Variants in CCDC141 observed in about 807,000 individuals in gnomAD.
CCDC141 encodes the protein coiled-coil domain containing 141.
CCDC141 carries 168 observed loss-of-function variants against 181.0 expected under a neutral mutation model. The observed-to-expected ratio is 0.93, with a 90% confidence interval of 0.82 to 1.05. The LOEUF (loss-of-function observed/expected upper bound fraction) is 1.05, where lower values mean the gene tolerates loss of function less well. Ranked by LOEUF, CCDC141 falls within the 50% of genes least tolerant of loss-of-function variation. CCDC141 has a pLI of 0.00. For synonymous variants in CCDC141, 666 were observed against 642.3 expected (o/e 1.04, Z -0.56); for missense variants, 1,902 against 1,788.5 (o/e 1.06, Z -1.14).
chr2:179,029,468 C>G (rs1026761041), intron 2 of CCDC141, among the ~76,000 whole-genome samples: 2 of 152,080 alleles, frequency 1.3e-5, no homozygotes, highest in Non-Finnish European at 2.9e-5. Flanking sequence ...CAATGACTGG[C>G]ATATAGTAGA....
At chr2:178,843,293 C>G (rs1684804741) in intron 22 of CCDC141, among the ~76,000 whole-genome samples, 1 of 152,164 alleles carries the variant, frequency 6.6e-6, no homozygotes, top group Non-Finnish European at 1.5e-5. Context: ...CCCTTTTGGC[C>G]TCAGTTTCCT....
intron 17 of CCDC141, among the ~76,000 whole-genome samples, chr2:178,860,033 T>C (rs1685534999): frequency 6.6e-6 from 1 of 152,218 alleles, no homozygotes; most frequent in South Asian, 2.1e-4. Flanking sequence ...AAGAAAGCCT[T>C]TCCTTAGAAC....
chr2:179,033,356 G>A (rs879670666), intron 2 of CCDC141, among the ~76,000 whole-genome samples: 2 of 152,022 alleles, frequency 1.3e-5, no homozygotes, highest in Non-Finnish European at 2.9e-5. Context: ...AGGGGGATGT[G>A]CATAGCTTAT....
chr2:179,023,892 T>C (rs1282584520), intron 2 of CCDC141, among the ~76,000 whole-genome samples: 1 of 152,138 alleles, frequency 6.6e-6, no homozygotes, highest in African/African-American at 2.4e-5. Flanking sequence ...TGAATGTAAA[T>C]ACTTCATAAA....
chr2:178,976,605 C>G (rs1236485910), intron 3 of CCDC141, among the ~76,000 whole-genome samples: 1 of 152,112 alleles, frequency 6.6e-6, no homozygotes, highest in African/African-American at 2.4e-5. Context: ...TGAGAATAAC[C>G]CAACTGACAG....
rs762178070 is a variant in CCDC141, at chr2:178,834,344, T to C, written c.4422A>G (p.Ala1474=). 20 of 1,536,128 alleles carry C rather than the reference T, an allele frequency of 1.3e-5. No individual in the cohort carries two copies. The highest frequency in any genetic ancestry group is 2.0e-5 in the Admixed American group (1 of 50,972). Reference sequence around the variant, plus strand: ...CCCGAGCCACATAGAGGCCTGCGTCTGCCTTGCATACCTTTGGAATGAACA... The same window carrying C: ...CCCGAGCCACATAGAGGCCTGCGTCCGCCTTGCATACCTTTGGAATGAACA... ...HSVFIPKVCK[A]DAGLYVARAQ... Residue 1474 remains alanine (A), a synonymous_variant, in exon 24 of 24, where the codon GCA becomes GCG. Coordinates refer to ENST00000443758, the MANE Select transcript of CCDC141 (RefSeq NM_173648.4).
chr2:178,832,637 T>A lies in CCDC141; in HGVS notation c.*1536A>T, dbSNP rs1171486956. ...GCCCAAGAAAGTATACGCCAACTTT[T>A]TACTTGACTACACATTTCACATCTT... On this transcript the variant is annotated 3_prime_UTR_variant, in exon 24 of 24. Transcript: ENST00000443758. The A allele has an allele frequency of 6.6e-6, 1 of 152,134 alleles. No individual in the cohort carries two copies. Among genetic ancestry groups the A allele is most frequent in the African/African-American group, 2.4e-5 (1 of 41,444 alleles). 9.4% of individuals were successfully genotyped at this position (152,134 alleles called of 1,614,324 possible).
intron 2 of CCDC141, among the ~76,000 whole-genome samples, chr2:179,021,450 A>G (rs1244782812): frequency 6.6e-6 from 1 of 152,204 alleles, no homozygotes; most frequent in Non-Finnish European, 1.5e-5. Context: ...GCTGCAGCTA[A>G]TGAGCTGCTG....
intron 20 of CCDC141, 77 bp from the exon 21 acceptor site, chr2:178,850,238 T>C: frequency 1.3e-6 from 1 of 740,882 alleles, no homozygotes; most frequent in Non-Finnish European, 2.4e-6. Context: ...TAAATTCATC[T>C]CCCTGTCCAG....
At chr2:179,026,827 G>A (rs531315604) in intron 2 of CCDC141, among the ~76,000 whole-genome samples, 1 of 152,370 alleles carries the variant, frequency 6.6e-6, no homozygotes, top group Non-Finnish European at 1.5e-5. Context: ...AGCATGACCT[G>A]GAGGTGAGAC....
At chr2:178,865,114 AG>A (rs1395826379) in intron 17 of CCDC141, among the ~76,000 whole-genome samples, 3 of 152,154 alleles carry the variant, frequency 2.0e-5, no homozygotes, top group Non-Finnish European at 4.4e-5. Flanking sequence ...GTTACAGTTG[AG>A]GGGGAGGAGA....
At position 178,976,872 on chromosome 2, in the gene CCDC141, T is replaced by C. The variant is rs562024349; in HGVS notation, c.417+1612A>G. Among the ~76,000 whole-genome samples, 6 of 152,330 alleles carry C rather than the reference T, an allele frequency of 3.9e-5. No individual in the cohort carries two copies. In the East Asian group the frequency reaches 1.2e-3, roughly 29 times the overall value. ...ACATTAGAAAAAGTTCCAGGGTCACTGTTTAACTTATATTTATATTTCAGC... is the reference window on the plus strand; with the variant it reads ...ACATTAGAAAAAGTTCCAGGGTCACCGTTTAACTTATATTTATATTTCAGC... On this transcript the variant is annotated intron_variant, in intron 3 of 23. Transcript: ENST00000443758.
At chr2:178,835,901 G>A (rs953167189) in intron 23 of CCDC141, 1 of 152,568 alleles carries the variant, frequency 6.6e-6, no homozygotes, top group South Asian at 2.1e-4. Flanking sequence ...TAGCACAAGT[G>A]CAGTTTTTTA....
At position 178,978,854 on chromosome 2, in the gene CCDC141, G is replaced by T. The variant is rs202012085; in HGVS notation, c.226-179C>A. 4.6e-5 allele frequency among the ~76,000 whole-genome samples: 7 copies of T among 152,298 alleles called. No individual in the cohort carries two copies. In the East Asian group the frequency reaches 1.2e-3, roughly 25 times the overall value. On this transcript the variant is annotated intron_variant, in intron 2 of 23. Transcript: ENST00000443758. ...GAAGGAAGGAGCGATCAGGATTGAGGTGAGCCAGGAAGCATGGCCAGGCTA... is the reference window on the plus strand; with the variant it reads ...GAAGGAAGGAGCGATCAGGATTGAGTTGAGCCAGGAAGCATGGCCAGGCTA...
Position 178,954,606 on chromosome 2 carries a change from C to A in CCDC141, c.780+6624G>T, listed in dbSNP as rs545214618. On this transcript the variant is annotated intron_variant, in intron 5 of 23. Transcript: ENST00000443758. ...GCCACAGCACTTAGAAACAGAGAAG[C>A]ACTAAATGTATCTTTTAAATGGCCC... Among the ~76,000 whole-genome samples the A allele has an allele frequency of 2.0e-5, 3 of 152,282 alleles. No individual in the cohort carries two copies. The East Asian group carries it at 5.8e-4, about 29-fold the overall frequency.
intron 2 of CCDC141, among the ~76,000 whole-genome samples, chr2:179,042,702 G>A (rs914504533): frequency 6.6e-6 from 1 of 152,114 alleles, no homozygotes; most frequent in African/African-American, 2.4e-5. Context: ...GGAATCTCTG[G>A]GATGCAGCTA....
chr2:178,973,684 C>G (rs541673197), intron 4 of CCDC141, among the ~76,000 whole-genome samples: 106 of 152,326 alleles, frequency 7.0e-4, no homozygotes, highest in South Asian at 2.1e-3. Flanking sequence ...CTTCTACAAG[C>G]CCCCAGTCCC....
At chr2:179,015,065 GAGATATATATATATATATATATATAT>G (rs1325968126) in intron 2 of CCDC141, among the ~76,000 whole-genome samples, 125 of 10,978 alleles carry the variant, frequency 0.011, 10 homozygotes, top group African/African-American at 0.03. Context: ...GAGAGAGACA[GAGATATATATATATATATATATATAT>G]ATATATATAT....
chr2:178,920,323 G>A (rs1193173951), intron 6 of CCDC141, among the ~76,000 whole-genome samples: 2 of 152,168 alleles, frequency 1.3e-5, no homozygotes, highest in Non-Finnish European at 2.9e-5. Flanking sequence ...CAATTTTAGT[G>A]CAATTTGCCA....
Sources: gnomAD v4.1 joint callset for allele counts (sites outside exome capture counted in the v4.1 genomes callset) on GRCh38, gnomAD v4.1.1 for gene constraint, MANE v1.5 for transcripts, NCBI Gene and HGNC (gene_info 2026-07-23, HGNC 2026-07-21) for gene names.